Variants in ATG10 observed in about 807,000 individuals in gnomAD.
ATG10 encodes the protein ubiquitin-like-conjugating enzyme ATG10.
In ATG10, 30 loss-of-function variants were observed where a neutral mutation model predicts 32.1. The observed-to-expected ratio is 0.94, with a 90% CI of 0.70 to 1.27. The LOEUF (loss-of-function observed/expected upper bound fraction) is 1.27, where lower values mean the gene tolerates loss of function less well. Among genes scored for constraint, ATG10 ranks in the 50% most tolerant of loss-of-function variants. The probability of loss-of-function intolerance (pLI) is 0.00; values close to 1 mark genes in which losing one functional copy is unlikely to be tolerated. For synonymous variants in ATG10, 87 were observed against 91.5 expected (o/e 0.95, Z 0.28); for missense variants, 233 against 262.3 (o/e 0.89, Z 0.77).
chr5:82,149,138 A>G (rs2149877536), intron 3 of ATG10, among the ~76,000 whole-genome samples: 1 of 152,012 alleles, frequency 6.6e-6, no homozygotes, highest in East Asian at 1.9e-4. Flanking sequence ...TTTAGGACTC[A>G]GTTTGGGTAA....
chr5:82,248,744 T>C, intron 5 of ATG10, among the ~76,000 whole-genome samples: 1 of 152,150 alleles, frequency 6.6e-6, no homozygotes. Context: ...TTACATATCT[T>C]ATAATTCCTA....
intron 3 of ATG10, among the ~76,000 whole-genome samples, chr5:82,093,614 T>G (rs1764960306): frequency 6.6e-6 from 1 of 152,186 alleles, no homozygotes; most frequent in African/African-American, 2.4e-5. Flanking sequence ...CAGTTTCAAT[T>G]GATTAATTTT....
intron 3 of ATG10, among the ~76,000 whole-genome samples, chr5:82,126,036 G>A (rs2149834760): frequency 7.1e-6 from 1 of 141,708 alleles, no homozygotes; most frequent in African/African-American, 2.7e-5. Context: ...ACTCTTTGTA[G>A]CAATTGTGAA....
intron 2 of ATG10, among the ~76,000 whole-genome samples, chr5:82,057,053 AT>A (rs1162769344): frequency 6.6e-6 from 1 of 152,202 alleles, no homozygotes; most frequent in African/African-American, 2.4e-5. Flanking sequence ...AGTATTGGAT[AT>A]CTGATGGCCT....
chr5:81,986,925 C>T (rs749740554), intron 1 of ATG10, among the ~76,000 whole-genome samples: 2 of 151,958 alleles, frequency 1.3e-5, no homozygotes, highest in Non-Finnish European at 2.9e-5. Context: ...CAACTGTAAT[C>T]CCCGCTCCTC....
At chr5:82,076,469 A>C (rs780210835) in intron 3 of ATG10, among the ~76,000 whole-genome samples, 5 of 152,228 alleles carry the variant, frequency 3.3e-5, no homozygotes, top group African/African-American at 4.8e-5. Context: ...GGAATGTCAT[A>C]GGAGAATACA....
chr5:82,018,832 C>T (rs1234734025), intron 2 of ATG10, among the ~76,000 whole-genome samples: 1 of 152,238 alleles, frequency 6.6e-6, no homozygotes. Flanking sequence ...CTGACAGCCT[C>T]ACTCTGGCAC....
chr5:82,071,836 G>A (rs956651380), intron 3 of ATG10, among the ~76,000 whole-genome samples: 3 of 152,186 alleles, frequency 2.0e-5, no homozygotes, highest in Non-Finnish European at 4.4e-5. Context: ...CAGGTTGCTT[G>A]TGTGCTGTTA....
rs1467181202 is a variant in ATG10 at position 82,254,968 on chromosome 5, A to C, written c.*905A>C. On this transcript the variant is annotated 3_prime_UTR_variant, in exon 8 of 8. Coordinates refer to ENST00000282185, the MANE Select transcript of ATG10 (RefSeq NM_031482.5). ...TAGTTGTAAAACAAAGAAAAAACAC[A>C]ATATTTTACTGTGAGATAATATGTT... is the stretch of plus-strand genomic sequence containing the variant. 1 of 151,918 alleles carries C rather than the reference A, an allele frequency of 6.6e-6. No homozygotes were observed. The highest frequency in any genetic ancestry group is 1.5e-5 in the Non-Finnish European group (1 of 68,014). The allele number at this position is 151,918 out of a possible 1,614,324, so 9.4% of individuals were successfully genotyped here. A position where few individuals can be genotyped will look rare whatever the true frequency, so the allele number is the denominator to read the frequency against.
intron 3 of ATG10, chr5:82,148,261 A>G (rs966186411): frequency 3.9e-5 from 6 of 152,232 alleles, no homozygotes; most frequent in Admixed American, 6.5e-5. Flanking sequence ...CTCTGTATCA[A>G]GAGAACTCAC....
intron 5 of ATG10, among the ~76,000 whole-genome samples, chr5:82,230,124 G>A (rs1746297747): frequency 6.6e-6 from 1 of 152,160 alleles, no homozygotes; most frequent in Admixed American, 6.5e-5. Flanking sequence ...GCAGCCTACA[G>A]CCAAGTTGAA....
At chr5:82,050,936 A>G (rs1332277466) in intron 2 of ATG10, among the ~76,000 whole-genome samples, 2 of 151,254 alleles carry the variant, frequency 1.3e-5, no homozygotes, top group Non-Finnish European at 2.9e-5. Context: ...GCCTGGGCCC[A>G]GGAATTAGAA....
intron 3 of ATG10, among the ~76,000 whole-genome samples, chr5:82,060,535 G>T (rs1763731847): frequency 6.6e-6 from 1 of 152,192 alleles, no homozygotes; most frequent in African/African-American, 2.4e-5. Context: ...CATTAGAAAT[G>T]ATATTCTAGG....
intron 3 of ATG10, among the ~76,000 whole-genome samples, chr5:82,063,489 T>C (rs1271754991): frequency 6.6e-6 from 1 of 151,732 alleles, no homozygotes; most frequent in Non-Finnish European, 1.5e-5. Flanking sequence ...AATGAACTGC[T>C]AACAATTTTT....
intron 3 of ATG10, among the ~76,000 whole-genome samples, chr5:82,068,056 T>C (rs959706718): frequency 2.6e-5 from 4 of 152,194 alleles, no homozygotes; most frequent in Admixed American, 1.3e-4. Context: ...GAGGGCCATT[T>C]AATACATTAT....
chr5:82,110,041 C>T (rs535162979), intron 3 of ATG10, among the ~76,000 whole-genome samples: 1 of 149,344 alleles, frequency 6.7e-6, no homozygotes, highest in East Asian at 2.1e-4. Context: ...TGCGTGAGAA[C>T]ATGCGGTGTT....
At chr5:82,178,612 G>T in intron 5 of ATG10, 25 bp downstream of exon 5, 2 of 1,428,846 alleles carry the variant, frequency 1.4e-6, no homozygotes, top group Non-Finnish European at 9.9e-7. Flanking sequence ...TCATTTTATT[G>T]TATGCATGTT....
At position 82,254,917 on chromosome 5, in the gene ATG10, T is replaced by TGTGG. The variant is rs1348815900; in HGVS notation, c.*857_*858insGGTG. 5 of 151,830 alleles carry TGTGG rather than the reference T, an allele frequency of 3.3e-5. No homozygotes were observed. Among genetic ancestry groups the TGTGG allele is most frequent in the Admixed American group, 3.3e-4 (5 of 15,204 alleles). The allele number at this position is 151,830 out of a possible 1,614,324, so 9.4% of individuals were successfully genotyped here. Reference sequence around the variant, plus strand: ...GAGTGTGAGTGTGTGTGTGTGTGTGTGTGTATGTGTGGGTGTTTGTGTAGA... The same window carrying TGTGG: ...GAGTGTGAGTGTGTGTGTGTGTGTGTGTGGGTGTATGTGTGGGTGTTTGTGTAGA... On this transcript the variant is annotated 3_prime_UTR_variant, in exon 8 of 8. Coordinates refer to ENST00000282185, the MANE Select transcript of ATG10 (RefSeq NM_031482.5).
At chr5:82,154,997 C>T (rs988646814) in intron 3 of ATG10, among the ~76,000 whole-genome samples, 1 of 152,184 alleles carries the variant, frequency 6.6e-6, no homozygotes, top group Non-Finnish European at 1.5e-5. Context: ...CTCTAACATT[C>T]CTACAATGCT....
Sources: allele counts gnomAD v4.1 joint callset (sites outside exome capture counted in the v4.1 genomes callset), GRCh38; gene constraint gnomAD v4.1.1; transcripts MANE v1.5; gene names NCBI Gene and HGNC (gene_info 2026-07-23, HGNC 2026-07-21).